LOC400499: variants seen among roughly 807,000 people sequenced by gnomAD.
the LOC400499 span, chr16:11,508,975 G>A: frequency 8.3e-5 from 33 of 397,176 alleles, no homozygotes; most frequent in African/African-American, 5.6e-4. Context: ...TCAGGCAACA[G>A]GTAAGAGGGG....
chr16:11,492,706 A>AC, the LOC400499 span, among the ~76,000 whole-genome samples: 1 of 151,802 alleles, frequency 6.6e-6, no homozygotes, highest in Non-Finnish European at 1.5e-5. Flanking sequence ...AATGGCGTGA[A>AC]CCCAGGAGGC....
chr16:11,387,438 T>G, the LOC400499 span: 1 of 596,396 alleles, frequency 1.7e-6, no homozygotes, highest in Non-Finnish European at 2.5e-6. Context: ...GTCCTTGTTT[T>G]GGGAAATCCC....
At chr16:11,427,698 C>T in the LOC400499 span, among the ~76,000 whole-genome samples, 1 of 152,086 alleles carries the variant, frequency 6.6e-6, no homozygotes, top group Non-Finnish European at 1.5e-5. Context: ...TGCCCTCCTC[C>T]ACCTCCCAAA....
chr16:11,431,403 G>A, the LOC400499 span, among the ~76,000 whole-genome samples: 1 of 152,052 alleles, frequency 6.6e-6, no homozygotes, highest in African/African-American at 2.4e-5. Context: ...CTGATATTGA[G>A]CTTTTTTTCA....
chr16:11,390,212 G>A, the LOC400499 span: 5 of 1,232,444 alleles, frequency 4.1e-6, no homozygotes, highest in Admixed American at 4.2e-5. Flanking sequence ...CCTGGAGAGG[G>A]AGGGGACAGT....
chr16:11,469,549 CG>C, the LOC400499 span: 1 of 399,050 alleles, frequency 2.5e-6, no homozygotes, highest in African/African-American at 2.1e-5. Context: ...AAGCTTGAGC[CG>C]GAACTTGTTC....
At chr16:11,378,394 A>G in the LOC400499 span, among the ~76,000 whole-genome samples, 70,135 of 151,636 alleles carry the variant, frequency 0.46, 16,776 homozygotes, top group Non-Finnish European at 0.54. Context: ...CTCCCAAGTA[A>G]CTGGGATTAC....
At chr16:11,450,003 C>T in the LOC400499 span, among the ~76,000 whole-genome samples, 1 of 152,200 alleles carries the variant, frequency 6.6e-6, no homozygotes, top group Non-Finnish European at 1.5e-5. Context: ...ACACAGAGGC[C>T]TCCTCATGGT....
At chr16:11,460,009 G>C in the LOC400499 span, 7 of 1,497,058 alleles carry the variant, frequency 4.7e-6, no homozygotes, top group African/African-American at 8.3e-5. Flanking sequence ...CTCACCTCCA[G>C]CTGTGAGTGC....
At chr16:11,512,109 C>T in the LOC400499 span, among the ~76,000 whole-genome samples, 1 of 150,014 alleles carries the variant, frequency 6.7e-6, no homozygotes, top group Non-Finnish European at 1.5e-5. Context: ...ATGGTAAAAC[C>T]CCATCACTAC....
At chr16:11,481,122 C>T in the LOC400499 span, among the ~76,000 whole-genome samples, 1 of 152,184 alleles carries the variant, frequency 6.6e-6, no homozygotes, top group Non-Finnish European at 1.5e-5. Context: ...TTATATGGTT[C>T]CATTTACATG....
chr16:11,391,969 C>T, the LOC400499 span: 1 of 493,754 alleles, frequency 2.0e-6, no homozygotes, highest in Non-Finnish European at 3.2e-6. Context: ...AGGGGGACCT[C>T]TCCAACCTGA....
the LOC400499 span, among the ~76,000 whole-genome samples, chr16:11,389,685 C>CAAAAAAAAAA: frequency 1.7e-5 from 1 of 59,028 alleles, no homozygotes; most frequent in Non-Finnish European, 2.9e-5. Context: ...AACTCCATCT[C>CAAAAAAAAAA]AAAAAAAAAA....
chr16:11,387,309 A>C, the LOC400499 span: 8 of 1,232,240 alleles, frequency 6.5e-6, no homozygotes, highest in Non-Finnish European at 8.1e-6. Flanking sequence ...CAGGGAATGC[A>C]GAGGACAAGT....
At chr16:11,444,242 C>T in the LOC400499 span, among the ~76,000 whole-genome samples, 28 of 152,176 alleles carry the variant, frequency 1.8e-4, no homozygotes, top group African/African-American at 6.7e-4. Context: ...TACAAAACAT[C>T]TTAAAATGAG....
At chr16:11,396,455 G>A in the LOC400499 span, 11 of 1,229,234 alleles carry the variant, frequency 8.9e-6, no homozygotes, top group Admixed American at 4.2e-5. Flanking sequence ...GGGAGGAACC[G>A]CAGGGATGCC....
the LOC400499 span, among the ~76,000 whole-genome samples, chr16:11,383,029 C>T: frequency 1.3e-5 from 2 of 151,230 alleles, no homozygotes; most frequent in Admixed American, 1.3e-4. Context: ...AGCTTACAAT[C>T]ATGGCAGGAG....
the LOC400499 span, chr16:11,476,897 G>T: frequency 2.5e-6 from 1 of 399,366 alleles, no homozygotes; most frequent in Non-Finnish European, 4.4e-6. Context: ...AGCCCGGCCT[G>T]CCCCAGGATG....
chr16:11,381,804 T>TC, the LOC400499 span, among the ~76,000 whole-genome samples: 1 of 152,190 alleles, frequency 6.6e-6, no homozygotes. Context: ...CTTCCTTCTT[T>TC]CCACCCTCTT....
Sources: allele counts gnomAD v4.1 joint callset (sites outside exome capture counted in the v4.1 genomes callset), GRCh38; gene constraint gnomAD v4.1.1; transcripts MANE v1.5.